The following WDR27 variants were observed in gnomAD, a reference collection of about 807,000 sequenced individuals.
The protein encoded by WDR27 is WD repeat domain 27.
WDR27 carries 100 observed loss-of-function variants against 114.4 expected under a neutral mutation model. That is an observed-to-expected ratio of 0.87 (90% confidence interval 0.74 to 1.03). WDR27 has a LOEUF of 1.03. Among genes scored for constraint, WDR27 ranks in the 50% least tolerant of loss-of-function variants. The pLI is 0.00. For synonymous variants in WDR27, 449 were observed against 423.1 expected, an observed-to-expected ratio of 1.06 and a Z score of -0.75; for missense variants, 1,129 against 1,092.9, an observed-to-expected ratio of 1.03 and a Z score of -0.47.
chr6:169,666,196 T>C (rs918608937), intron 6 of WDR27, among the ~76,000 whole-genome samples: 1 of 152,058 alleles, frequency 6.6e-6, no homozygotes, highest in Non-Finnish European at 1.5e-5. Context: ...GAACAGTAAT[T>C]CCATATAATT....
intron 21 of WDR27, among the ~76,000 whole-genome samples, chr6:169,626,996 C>T (rs1815022465): frequency 6.6e-6 from 1 of 152,180 alleles, no homozygotes; most frequent in Admixed American, 6.5e-5. Flanking sequence ...CAGCACATTT[C>T]TCATTTCCTG....
chr6:169,564,621 G>A (rs1800163496), intron 25 of WDR27, among the ~76,000 whole-genome samples: 1 of 152,174 alleles, frequency 6.6e-6, no homozygotes, highest in Admixed American at 6.5e-5. Context: ...AGTAAGGTGT[G>A]AGGCTCCCTG....
chr6:169,429,072 A>G, the WDR27 span, among the ~76,000 whole-genome samples: 1 of 152,164 alleles, frequency 6.6e-6, no homozygotes, highest in Non-Finnish European at 1.5e-5. Context: ...TCTTGCCCTC[A>G]GCAGCCCCTC....
At chr6:169,456,849 G>A (rs1402263004), downstream of WDR27, among the ~76,000 whole-genome samples, 1 of 149,242 alleles carries the variant, frequency 6.7e-6, no homozygotes, top group Non-Finnish European at 1.5e-5. This position sits in a 1 kb window ranked among gnomAD's most constrained non-coding sequence, Gnocchi z 4.0. Flanking sequence ...CACAGCCCAT[G>A]CTCACGACAC....
chr6:169,580,904 A>G (rs375219133), intron 24 of WDR27, among the ~76,000 whole-genome samples: 3 of 147,116 alleles, frequency 2.0e-5, no homozygotes, highest in South Asian at 4.3e-4. Context: ...AAATAAGGAA[A>G]TTTTTAAAAA....
the WDR27 span, among the ~76,000 whole-genome samples, chr6:169,435,535 C>T: frequency 1.3e-5 from 2 of 152,212 alleles, no homozygotes; most frequent in South Asian, 4.1e-4. Flanking sequence ...TGAGTGTGAC[C>T]TGGACGTGAG....
intron 13 of WDR27, 195 bp downstream of exon 13, chr6:169,658,081 G>A (rs1244170857): frequency 2.7e-5 from 14 of 517,134 alleles, no homozygotes; most frequent in African/African-American, 9.4e-5. Context: ...TTCAGGAGGC[G>A]AAGCACCCAG....
At chr6:169,567,559 G>A (rs1303167815) in intron 25 of WDR27, among the ~76,000 whole-genome samples, 3 of 152,140 alleles carry the variant, frequency 2.0e-5, no homozygotes, top group South Asian at 4.1e-4. Context: ...AGGCGCAGAC[G>A]CTCTAGTGCA....
At chr6:169,648,280 C>A (rs1044057039) in intron 15 of WDR27, among the ~76,000 whole-genome samples, 1 of 152,096 alleles carries the variant, frequency 6.6e-6, no homozygotes, top group Non-Finnish European at 1.5e-5. Context: ...GTGCACATGC[C>A]AATGCCTTCC....
intron 25 of WDR27, among the ~76,000 whole-genome samples, chr6:169,547,758 C>A (rs141266531): frequency 1.3e-5 from 2 of 152,232 alleles, no homozygotes; most frequent in African/African-American, 4.8e-5. Context: ...GCAAGGATAT[C>A]CCCTTTCACT....
the WDR27 span, among the ~76,000 whole-genome samples, chr6:169,430,504 C>T: frequency 6.6e-6 from 1 of 152,220 alleles, no homozygotes; most frequent in African/African-American, 2.4e-5. Context: ...CCTACATCTC[C>T]AGCCCCAAGT....
intron 15 of WDR27, 105 bp from the exon 16 acceptor site, chr6:169,647,975 A>T: frequency 1.4e-6 from 1 of 715,660 alleles, no homozygotes; most frequent in Non-Finnish European, 2.3e-6. Flanking sequence ...CTACATGTAT[A>T]ATCGTATTCC....
chr6:169,700,822 T>G (rs1184305958), intron 1 of WDR27, among the ~76,000 whole-genome samples: 3 of 152,226 alleles, frequency 2.0e-5, no homozygotes, highest in Admixed American at 6.5e-5. Flanking sequence ...AATAAAGTTT[T>G]TTATCCCTAC....
At chr6:169,638,803 G>GGGAC in intron 17 of WDR27, 143 bp from the exon 18 acceptor site, 1 of 970,242 alleles carries the variant, frequency 1.0e-6, no homozygotes, top group Non-Finnish European at 1.5e-6. Flanking sequence ...GCTTCTCCTC[G>GGGAC]CCACAGTGAG....
intron 17 of WDR27, among the ~76,000 whole-genome samples, chr6:169,641,742 T>C (rs1185783136): frequency 2.0e-5 from 3 of 152,212 alleles, no homozygotes; most frequent in Admixed American, 6.5e-5. Context: ...GATTTCTCGT[T>C]TTTATACAGT....
At chr6:169,699,106 C>T (rs568465352) in intron 1 of WDR27, among the ~76,000 whole-genome samples, 6 of 152,338 alleles carry the variant, frequency 3.9e-5, no homozygotes, top group Non-Finnish European at 7.3e-5. Context: ...CAGGCTTACT[C>T]TCCTGCAGCC....
chr6:169,454,955 G>A (rs1784293139), downstream of WDR27, among the ~76,000 whole-genome samples: 1 of 152,234 alleles, frequency 6.6e-6, no homozygotes, highest in Non-Finnish European at 1.5e-5. Flanking sequence ...GACCACCACA[G>A]ATCAAGAAAG....
At chr6:169,472,437 T>C (rs1322062332) in intron 25 of WDR27, among the ~76,000 whole-genome samples, 1 of 152,146 alleles carries the variant, frequency 6.6e-6, no homozygotes, top group Non-Finnish European at 1.5e-5. Flanking sequence ...CTCCCATGCA[T>C]TTGCTACATG....
intron 2 of WDR27, among the ~76,000 whole-genome samples, chr6:169,686,475 T>C (rs1224689169): frequency 6.6e-6 from 1 of 151,994 alleles, no homozygotes; most frequent in Non-Finnish European, 1.5e-5. Context: ...ACTGGCTGAA[T>C]AAAAAGAAAA....
Sources: allele counts gnomAD v4.1 joint callset (sites outside exome capture counted in the v4.1 genomes callset), GRCh38; gene constraint gnomAD v4.1.1; non-coding constraint Gnocchi (gnomAD v3.1); transcripts MANE v1.5; gene names NCBI Gene and HGNC (gene_info 2026-07-23, HGNC 2026-07-21).